The following JMY variants were observed in gnomAD, a reference collection of about 807,000 sequenced individuals.
JMY encodes the protein junction-mediating and -regulatory protein.
In JMY, 46 loss-of-function variants were observed where a neutral mutation model predicts 103.3. The observed-to-expected ratio is 0.45, with a 90% CI of 0.35 to 0.57. The LOEUF (loss-of-function observed/expected upper bound fraction) is 0.57. Ranked by LOEUF, JMY falls within the 20% of genes least tolerant of loss-of-function variation. JMY has a pLI of 0.00. For synonymous variants in JMY, 526 were observed against 489.3 expected (o/e 1.07, Z -0.99); for missense variants, 1,238 against 1,255.2 (o/e 0.99, Z 0.21).
At chr5:79,289,625 T>G (rs567123471) in intron 2 of JMY, among the ~76,000 whole-genome samples, 13 of 152,220 alleles carry the variant, frequency 8.5e-5, no homozygotes, top group Non-Finnish European at 1.8e-4. Context: ...TTCAGCTATC[T>G]GAGCCACCGT....
At chr5:79,241,020 T>C (rs1744724059) in intron 1 of JMY, among the ~76,000 whole-genome samples, 1 of 152,246 alleles carries the variant, frequency 6.6e-6, no homozygotes, top group Non-Finnish European at 1.5e-5. Flanking sequence ...TTTGGTCACT[T>C]ACAATACTTA....
At chr5:79,278,152 T>G in intron 2 of JMY, 69 bp downstream of exon 2, 8 of 1,093,482 alleles carry the variant, frequency 7.3e-6, no homozygotes, top group South Asian at 2.0e-5. Context: ...GGCCATGCGT[T>G]ATCCACAAGA....
chr5:79,300,077 G>C, intron 4 of JMY, 76 bp from the exon 5 acceptor site: 1 of 1,183,986 alleles, frequency 8.4e-7, no homozygotes, highest in South Asian at 1.3e-5. Context: ...TATCTGATTA[G>C]TATTAATTTT....
chr5:79,269,326 C>T (rs1351779089), intron 1 of JMY, among the ~76,000 whole-genome samples: 1 of 152,012 alleles, frequency 6.6e-6, no homozygotes, highest in Non-Finnish European at 1.5e-5. Context: ...TCACAGATAC[C>T]CTACTGTCTT....
Position 79,237,361 on chromosome 5 carries a change from C to T in JMY, c.711C>T (p.Asp237=), listed in dbSNP as rs747427301. The change falls in exon 1 of 11, where the codon GAC becomes GAT. Residue 237 remains aspartate, a synonymous_variant. Transcript: ENST00000396137. ...GGGCCGGACTGTTTTCTTTCCAGGA[C>T]CTGCGCGCCGTGCACCAGCAGCTGT... is the stretch of plus-strand genomic sequence containing the variant. ...CSWAGLFSFQ[D]LRAVHQQLCS... 1.1e-5 allele frequency: 18 copies of T among 1,612,444 alleles called. No homozygotes were observed. Among genetic ancestry groups the T allele is most frequent in the Non-Finnish European group, 1.5e-5 (18 of 1,179,572 alleles).
chr5:79,239,559 C>A (rs945446665), intron 1 of JMY, among the ~76,000 whole-genome samples: 1 of 152,168 alleles, frequency 6.6e-6, no homozygotes, highest in Admixed American at 6.5e-5. Flanking sequence ...GTAATCCCAA[C>A]ACTTTGGGAG....
intron 2 of JMY, chr5:79,284,995 A>T: frequency 1.1e-6 from 1 of 935,284 alleles, no homozygotes; most frequent in Non-Finnish European, 1.6e-6. Context: ...GAACCTCTAG[A>T]TTTTTAAATC....
chr5:79,312,319 A>G (rs537102037), intron 7 of JMY, 84 bp from the exon 8 acceptor site: 12 of 800,556 alleles, frequency 1.5e-5, no homozygotes, highest in South Asian at 3.1e-5. Context: ...TTTGGCCCAC[A>G]TTAGGATAAC....
intron 1 of JMY, among the ~76,000 whole-genome samples, chr5:79,242,886 C>A (rs1283690578): frequency 6.6e-6 from 1 of 151,792 alleles, no homozygotes; most frequent in African/African-American, 2.4e-5. Context: ...CAAGTTCACG[C>A]AATTCTTTTG....
chr5:79,255,775 C>T (rs1021659391), intron 1 of JMY, among the ~76,000 whole-genome samples: 2 of 152,220 alleles, frequency 1.3e-5, no homozygotes, highest in Non-Finnish European at 2.9e-5. Context: ...TTACTTTATC[C>T]TTAACAACAG....
chr5:79,275,635 T>C (rs538956563), intron 1 of JMY, among the ~76,000 whole-genome samples: 1 of 152,328 alleles, frequency 6.6e-6, no homozygotes, highest in South Asian at 2.1e-4. Context: ...TACAGGCAGT[T>C]GTTTTGTGAT....
intron 1 of JMY, among the ~76,000 whole-genome samples, chr5:79,238,407 A>C (rs1389274019): frequency 6.6e-6 from 1 of 152,136 alleles, no homozygotes; most frequent in African/African-American, 2.4e-5. Context: ...AATAACAAAA[A>C]AAAAGTGGAA....
chr5:79,262,395 C>T (rs1462200113), intron 1 of JMY, among the ~76,000 whole-genome samples: 1 of 152,084 alleles, frequency 6.6e-6, no homozygotes, highest in South Asian at 2.1e-4. Flanking sequence ...TTTATTTATT[C>T]CCTGGACTTT....
chr5:79,321,212 C>T (rs541240303), intron 10 of JMY, among the ~76,000 whole-genome samples: 9 of 152,262 alleles, frequency 5.9e-5, no homozygotes, highest in Admixed American at 2.0e-4. Flanking sequence ...ATAAAATGCC[C>T]GGGTGAAGTA....
intron 1 of JMY, among the ~76,000 whole-genome samples, chr5:79,269,591 A>T (rs1313104572): frequency 6.6e-6 from 1 of 152,174 alleles, no homozygotes; most frequent in African/African-American, 2.4e-5. Context: ...CCTTAGATCT[A>T]CTTTGATTTC....
intron 1 of JMY, among the ~76,000 whole-genome samples, chr5:79,259,776 A>G (rs1745362049): frequency 6.6e-6 from 1 of 152,220 alleles, no homozygotes; most frequent in African/African-American, 2.4e-5. Context: ...TATTGAGGAA[A>G]GTCCAGGCAG....
intron 1 of JMY, among the ~76,000 whole-genome samples, chr5:79,251,591 G>C (rs902954546): frequency 1.3e-5 from 2 of 151,162 alleles, no homozygotes; most frequent in African/African-American, 4.9e-5. Context: ...TTGTCACCCA[G>C]TTATGCTATC....
At chr5:79,273,829 T>TTTTTTTC (rs1241866689) in intron 1 of JMY, among the ~76,000 whole-genome samples, 4 of 152,124 alleles carry the variant, frequency 2.6e-5, no homozygotes, top group Non-Finnish European at 4.4e-5. Flanking sequence ...CTTTTTTGTT[T>TTTTTTTC]TTTTTTCTTT....
intron 2 of JMY, among the ~76,000 whole-genome samples, chr5:79,281,353 ATTTTTTT>A (rs35881012): frequency 5.1e-5 from 6 of 116,714 alleles, no homozygotes; most frequent in South Asian, 5.5e-4. Flanking sequence ...CAAGAAATTA[ATTTTTTT>A]TTTTTTTTTT....
Sources: gnomAD v4.1 joint callset for allele counts (sites outside exome capture counted in the v4.1 genomes callset) on GRCh38, gnomAD v4.1.1 for gene constraint, MANE v1.5 for transcripts, NCBI Gene and HGNC (gene_info 2026-07-23, HGNC 2026-07-21) for gene names.